MICU2: variants seen among roughly 807,000 people sequenced by gnomAD.
MICU2 encodes mitochondrial calcium uptake 2.
In MICU2, 64 loss-of-function variants were observed where a neutral mutation model predicts 60.4. That is an observed-to-expected ratio of 1.06 (90% CI 0.87 to 1.31). The LOEUF is 1.31. Ranked by LOEUF, MICU2 falls within the 50% of genes most tolerant of loss-of-function variation. MICU2 has a pLI of 0.00. For missense variants in MICU2, 569 were observed against 531.0 expected, an observed-to-expected ratio of 1.07 and a Z score of -0.70; for synonymous variants, 201 against 175.0, an observed-to-expected ratio of 1.15 and a Z score of -1.17.
chr13:21,549,324 G>A (rs2138015786), intron 2 of MICU2, among the ~76,000 whole-genome samples: 1 of 152,236 alleles, frequency 6.6e-6, no homozygotes, highest in East Asian at 1.9e-4. Context: ...TTGATACTCA[G>A]TTTTACAGAG....
At chr13:21,589,769 C>A (rs948679483) in intron 1 of MICU2, among the ~76,000 whole-genome samples, 2 of 139,786 alleles carry the variant, frequency 1.4e-5, no homozygotes, top group Admixed American at 7.3e-5. Flanking sequence ...ATTTTTCCCA[C>A]CAAACCACTC....
chr13:21,596,670 C>T (rs1051761430), intron 1 of MICU2, among the ~76,000 whole-genome samples: 1 of 152,152 alleles, frequency 6.6e-6, no homozygotes, highest in East Asian at 1.9e-4. Context: ...GCGATACACC[C>T]GCCTCGGCCT....
At chr13:21,560,623 AACACACAC>A (rs67873561) in intron 2 of MICU2, among the ~76,000 whole-genome samples, 1 of 134,886 alleles carries the variant, frequency 7.4e-6, no homozygotes, top group Admixed American at 7.1e-5. Flanking sequence ...CTTGTCAAAA[AACACACAC>A]ACACACACAC....
chr13:21,586,709 C>T (rs117961984), intron 1 of MICU2, among the ~76,000 whole-genome samples: 1,873 of 152,222 alleles, frequency 0.012, 16 homozygotes, highest in Non-Finnish European at 0.019. Context: ...ACACACCTGG[C>T]GTGTTACAGC....
intron 8 of MICU2, among the ~76,000 whole-genome samples, chr13:21,507,009 T>C (rs994809579): frequency 1.2e-4 from 19 of 152,242 alleles, no homozygotes; most frequent in Admixed American, 5.2e-4. Context: ...TTTTCTGTTA[T>C]TTTATGACTT....
chr13:21,546,336 A>G (rs1258986147), intron 2 of MICU2, among the ~76,000 whole-genome samples: 2 of 150,920 alleles, frequency 1.3e-5, no homozygotes, highest in South Asian at 2.1e-4. Flanking sequence ...TTGTGAAATA[A>G]TAAGAGCATT....
At chr13:21,523,059 C>T (rs1170256585) in intron 4 of MICU2, among the ~76,000 whole-genome samples, 2 of 152,138 alleles carry the variant, frequency 1.3e-5, no homozygotes, top group East Asian at 3.9e-4. Flanking sequence ...AGGAGAAATT[C>T]ACCCTTTTTT....
In MICU2 at chr13:21,540,332, G is replaced by C. The variant is rs534324242; in HGVS notation, c.359-644C>G. Among the ~76,000 whole-genome samples the C allele has an allele frequency of 2.0e-4, 31 of 152,040 alleles. No individual in the cohort carries two copies. The East Asian group carries it at 5.6e-3, about 27-fold the overall frequency. ...TTTTTTAGGACTTACTCTGATGATA[G>C]CCTCAAATCATTTTAAACATCCAGA... On this transcript the variant is annotated intron_variant, in intron 2 of 11. Coordinates refer to ENST00000382374, the MANE Select transcript of MICU2 (RefSeq NM_152726.3).
intron 4 of MICU2, 24 bp from the exon 5 acceptor site, chr13:21,522,674 G>C (rs920997897): frequency 1.9e-6 from 3 of 1,553,318 alleles, no homozygotes; most frequent in Non-Finnish European, 1.8e-6. Flanking sequence ...AAACATACCA[G>C]AAAATAAGCT....
At chr13:21,580,732 C>T (rs1188456251) in intron 1 of MICU2, among the ~76,000 whole-genome samples, 1 of 151,946 alleles carries the variant, frequency 6.6e-6, no homozygotes, top group Non-Finnish European at 1.5e-5. Context: ...ATGTAAGTAA[C>T]AAATATTATT....
chr13:21,559,952 T>C (rs780357010), intron 2 of MICU2, among the ~76,000 whole-genome samples: 25 of 152,272 alleles, frequency 1.6e-4, no homozygotes, highest in Non-Finnish European at 3.4e-4. Flanking sequence ...TTATATCTTA[T>C]TGTAGTCACT....
At chr13:21,505,479 A>G (rs2138141227) in intron 8 of MICU2, among the ~76,000 whole-genome samples, 1 of 152,340 alleles carries the variant, frequency 6.6e-6, no homozygotes, top group East Asian at 1.9e-4. Flanking sequence ...TAACAATAAA[A>G]GCACACCAAA....
rs148555891 is a variant in MICU2, at chr13:21,588,879, T to C, written c.210+15060A>G. ...GATCAATTTAAAGCCCAAAATCAAA[T>C]AGCTGCAGGATTTAAGTCAATATTT... On this transcript the variant is annotated intron_variant, in intron 1 of 11. Coordinates refer to ENST00000382374, the MANE Select transcript of MICU2 (RefSeq NM_152726.3). Among the ~76,000 whole-genome samples, 809 of 152,276 alleles carry C rather than the reference T, an allele frequency of 5.3e-3. 6 individuals are homozygous for C. Among genetic ancestry groups the C allele is most frequent in the African/African-American group, 0.018 (760 of 41,548 alleles).
intron 2 of MICU2, among the ~76,000 whole-genome samples, chr13:21,541,785 T>C (rs1399513771): frequency 6.6e-6 from 1 of 152,190 alleles, no homozygotes; most frequent in East Asian, 1.9e-4. Context: ...TAATTATGCA[T>C]GGTACGATTA....
At chr13:21,569,053 G>A (rs971269260) in intron 1 of MICU2, among the ~76,000 whole-genome samples, 4 of 152,018 alleles carry the variant, frequency 2.6e-5, no homozygotes, top group Non-Finnish European at 4.4e-5. Context: ...CCCCTGTAGC[G>A]AACAAGAAAA....
intron 5 of MICU2, 42 bp from the exon 6 acceptor site, chr13:21,521,369 A>G (rs1377660428): frequency 6.5e-7 from 1 of 1,542,698 alleles, no homozygotes; most frequent in Non-Finnish European, 8.8e-7. Flanking sequence ...GTTGATGAAA[A>G]CCAAGTTATT....
At chr13:21,549,249 A>C (rs182378992) in intron 2 of MICU2, among the ~76,000 whole-genome samples, 225 of 152,226 alleles carry the variant, frequency 1.5e-3, no homozygotes, top group African/African-American at 5.2e-3. Context: ...AGAGTTTTTA[A>C]ACAAGGGCCC....
At chr13:21,560,390 C>T (rs902671809) in intron 2 of MICU2, among the ~76,000 whole-genome samples, 1 of 152,148 alleles carries the variant, frequency 6.6e-6, no homozygotes, top group African/African-American at 2.4e-5. Flanking sequence ...ATTTATAATG[C>T]CACCTCTCTC....
At chr13:21,561,668 T>A (rs1243231056) in intron 2 of MICU2, among the ~76,000 whole-genome samples, 2 of 150,062 alleles carry the variant, frequency 1.3e-5, no homozygotes, top group Non-Finnish European at 3.0e-5. Flanking sequence ...TCTATCTGTA[T>A]CTTTACATTT....
Sources: gnomAD v4.1 joint callset for allele counts (sites outside exome capture counted in the v4.1 genomes callset) on GRCh38, gnomAD v4.1.1 for gene constraint, MANE v1.5 for transcripts, NCBI Gene and HGNC (gene_info 2026-07-23, HGNC 2026-07-21) for gene names.